PABPC4L: variants seen among roughly 807,000 people sequenced by gnomAD.
The protein encoded by PABPC4L is poly(A) binding protein cytoplasmic 4 like.
For missense variants in PABPC4L, 452 were observed against 451.4 expected (o/e 1.00, Z -0.01); for synonymous variants, 169 against 164.1 (o/e 1.03, Z -0.23).
At chr4:134,137,522 A>C in the PABPC4L span, among the ~76,000 whole-genome samples, 1 of 151,870 alleles carries the variant, frequency 6.6e-6, no homozygotes, top group Non-Finnish European at 1.5e-5. Flanking sequence ...TTCAAACGGC[A>C]TTCTTAACCT....
chr4:134,115,599 T>C, the PABPC4L span, among the ~76,000 whole-genome samples: 2 of 151,888 alleles, frequency 1.3e-5, no homozygotes, highest in East Asian at 3.9e-4. Flanking sequence ...GAAATAACTT[T>C]CTTGAATATC....
chr4:133,995,336 G>A, the PABPC4L span, among the ~76,000 whole-genome samples: 3 of 152,098 alleles, frequency 2.0e-5, no homozygotes, highest in African/African-American at 7.2e-5. Flanking sequence ...ACCTTAGGAG[G>A]CTTTAATGCC....
chr4:134,194,474 C>T (rs1729600956), downstream of PABPC4L, among the ~76,000 whole-genome samples: 2 of 151,704 alleles, frequency 1.3e-5, no homozygotes, highest in South Asian at 2.1e-4. Flanking sequence ...TGTTACCTAA[C>T]CCCAGCTAAT....
chr4:133,999,005 G>A, the PABPC4L span, among the ~76,000 whole-genome samples: 1 of 151,862 alleles, frequency 6.6e-6, no homozygotes, highest in African/African-American at 2.4e-5. Flanking sequence ...ATACCCAGAT[G>A]AAAGGACTGT....
At chr4:134,092,433 A>G in the PABPC4L span, among the ~76,000 whole-genome samples, 8 of 152,074 alleles carry the variant, frequency 5.3e-5, no homozygotes, top group South Asian at 1.5e-3. Flanking sequence ...CCATCACTCA[A>G]TAAAACCTCT....
the PABPC4L span, among the ~76,000 whole-genome samples, chr4:133,970,187 T>C: frequency 5.9e-4 from 90 of 151,802 alleles, no homozygotes; most frequent in Admixed American, 1.4e-3. Context: ...ACGCCTCTCC[T>C]TTCTTGAAGA....
At chr4:133,970,890 C>A in the PABPC4L span, among the ~76,000 whole-genome samples, 8 of 152,194 alleles carry the variant, frequency 5.3e-5, no homozygotes, top group East Asian at 1.4e-3. Flanking sequence ...TGCCCAATAC[C>A]TTGTCCTGGA....
rs1345822627 is a variant in PABPC4L at position 134,199,844 on chromosome 4, C to T, written c.*63G>A. ...TGAAATTTACTGAGGTCAATTCAGG[C>T]AGAGATCACTATCATTCTCCCACCT... is the stretch of plus-strand genomic sequence containing the variant. On this transcript the variant is annotated 3_prime_UTR_variant, in exon 2 of 2. Coordinates refer to ENST00000421491, the MANE Select transcript of PABPC4L (RefSeq NM_001114734.2). 19 of 1,517,664 alleles carry T rather than the reference C, an allele frequency of 1.3e-5. No individual in the cohort carries two copies. The highest frequency in any genetic ancestry group is 1.7e-5 in the Non-Finnish European group (19 of 1,132,362). 94.0% of individuals were successfully genotyped at this position (1,517,664 alleles called of 1,614,324 possible).
chr4:134,110,589 G>A, the PABPC4L span, among the ~76,000 whole-genome samples: 1 of 150,200 alleles, frequency 6.7e-6, no homozygotes, highest in African/African-American at 2.5e-5. Context: ...GTGTGTGTGT[G>A]TGTGTGTGTG....
chr4:134,188,437 A>G, the PABPC4L span, among the ~76,000 whole-genome samples: 1 of 152,134 alleles, frequency 6.6e-6, no homozygotes, highest in Admixed American at 6.6e-5. Context: ...ATTGACTTAT[A>G]ACATTTCCCT....
chr4:133,949,856 G>T, the PABPC4L span, among the ~76,000 whole-genome samples: 1 of 152,066 alleles, frequency 6.6e-6, no homozygotes, highest in African/African-American at 2.4e-5. Context: ...TTAATAATTG[G>T]TCTTTAGTTT....
chr4:134,033,169 G>A, the PABPC4L span, among the ~76,000 whole-genome samples: 107 of 151,190 alleles, frequency 7.1e-4, no homozygotes, highest in Non-Finnish European at 1.4e-3. Context: ...TTTTTTCATC[G>A]CTATTATATC....
rs1378248916 is a variant in PABPC4L at position 134,200,418 on chromosome 4, A to G, written c.602T>C (p.Met201Thr). 1.6e-5 allele frequency: 25 copies of G among 1,554,946 alleles called. No individual in the cohort carries two copies. The highest frequency in any genetic ancestry group is 2.2e-5 in the Non-Finnish European group (25 of 1,148,554). ...AACGTCCTTCAATCTCTCATCATCCATGTCACCTCCAAAGTTTTTTATGTA... is the reference window on the plus strand; with the variant it reads ...AACGTCCTTCAATCTCTCATCATCCGTGTCACCTCCAAAGTTTTTTATGTA... ...NVYIKNFGGD[M>T]DDERLKDVFS... Residue 201 changes from methionine (M) to threonine (T), a missense_variant, in exon 2 of 2, where the codon ATG (methionine) becomes ACG (threonine). Coordinates refer to ENST00000421491, the MANE Select transcript of PABPC4L (RefSeq NM_001114734.2).
At chr4:134,169,961 T>A in the PABPC4L span, among the ~76,000 whole-genome samples, 1 of 152,148 alleles carries the variant, frequency 6.6e-6, no homozygotes, top group Admixed American at 6.6e-5. Context: ...GGTATACAAA[T>A]AATCTTGTTA....
At chr4:134,059,081 T>C in the PABPC4L span, among the ~76,000 whole-genome samples, 11 of 152,050 alleles carry the variant, frequency 7.2e-5, no homozygotes, top group African/African-American at 2.4e-4. Flanking sequence ...AATAGTTATT[T>C]AAAAGTCTGT....
the PABPC4L span, among the ~76,000 whole-genome samples, chr4:133,957,363 A>G: frequency 2.6e-5 from 4 of 152,314 alleles, no homozygotes; most frequent in African/African-American, 4.8e-5. Flanking sequence ...ACCATGTCTC[A>G]CATCCAGGTC....
the PABPC4L span, among the ~76,000 whole-genome samples, chr4:134,155,495 CTA>C: frequency 2.9e-4 from 38 of 131,778 alleles, no homozygotes; most frequent in Non-Finnish European, 5.6e-4. Flanking sequence ...CTTCTGAGAT[CTA>C]TGTCTATCTT....
the PABPC4L span, among the ~76,000 whole-genome samples, chr4:134,171,840 C>T: frequency 3.9e-5 from 6 of 152,150 alleles, no homozygotes; most frequent in Non-Finnish European, 7.4e-5. Flanking sequence ...AGTCAATGTA[C>T]AAAAATCAGT....
At chr4:134,153,810 GTTTTTTTTTTTTTTT>G in the PABPC4L span, among the ~76,000 whole-genome samples, 1 of 77,582 alleles carries the variant, frequency 1.3e-5, no homozygotes, top group Non-Finnish European at 2.3e-5. Context: ...CCTATGCCTA[GTTTTTTTTTTTTTTT>G]TTTTTTTTTT....
Sources: gnomAD v4.1 joint callset for allele counts (sites outside exome capture counted in the v4.1 genomes callset) on GRCh38, gnomAD v4.1.1 for gene constraint, MANE v1.5 for transcripts, NCBI Gene and HGNC (gene_info 2026-07-23, HGNC 2026-07-21) for gene names.